Variants in TRAP1 observed in about 807,000 individuals in gnomAD.
TRAP1 encodes heat shock protein 75 kDa, mitochondrial.
In TRAP1, 102 loss-of-function variants were observed where a neutral mutation model predicts 89.1. The observed-to-expected ratio is 1.15, with a 90% CI of 0.98 to 1.35. The LOEUF is 1.35. Among genes scored for constraint, TRAP1 ranks in the 40% most tolerant of loss-of-function variants. TRAP1 has a pLI of 0.00. For missense variants in TRAP1, 1,256 were observed against 945.3 expected, an observed-to-expected ratio of 1.33 and a Z score of -4.31; for synonymous variants, 508 against 388.0, an observed-to-expected ratio of 1.31 and a Z score of -3.64.
In TRAP1 at chr16:3,661,986, C is replaced by G; in HGVS notation, c.1940+1G>C. ...TGGAAGAGCCAGGAGCGTGGCCTCA[C>G]CTGGGGTTGATCTCCAGCGTGGGCT... On this transcript the variant is annotated splice_donor_variant, in intron 16 of 17. Coordinates refer to ENST00000246957, the MANE Select transcript of TRAP1 (RefSeq NM_016292.3). LOFTEE classifies it high-confidence loss of function. 6.2e-7 allele frequency: 1 copy of G among 1,603,884 alleles called. No individual in the cohort carries two copies. Among genetic ancestry groups the G allele is most frequent in the Non-Finnish European group, 8.5e-7 (1 of 1,174,322 alleles).
chr16:3,658,263 G>C, intron 17 of TRAP1, 33 bp from the exon 18 acceptor site: 2 of 1,534,228 alleles, frequency 1.3e-6, no homozygotes, highest in Non-Finnish European at 1.8e-6. Flanking sequence ...CATTATGAGG[G>C]GCATGGGGCA....
At chr16:3,699,434 C>G (rs1189336439) in intron 1 of TRAP1, among the ~76,000 whole-genome samples, 1 of 151,998 alleles carries the variant, frequency 6.6e-6, no homozygotes, top group East Asian at 1.9e-4. Context: ...GTCAGGAGTT[C>G]AAGACCAGCG....
chr16:3,702,497 C>G (rs1342701625), intron 1 of TRAP1, among the ~76,000 whole-genome samples: 1 of 151,826 alleles, frequency 6.6e-6, no homozygotes, highest in Non-Finnish European at 1.5e-5. Context: ...AATCCCAGCA[C>G]TCTAGGAGGC....
At chr16:3,698,075 T>A (rs1480943832) in intron 1 of TRAP1, among the ~76,000 whole-genome samples, 1 of 152,048 alleles carries the variant, frequency 6.6e-6, no homozygotes, top group Non-Finnish European at 1.5e-5. Context: ...TCTCCCAAAG[T>A]GCTGGGATTA....
chr16:3,662,220 A>G, intron 15 of TRAP1, 88 bp from the exon 16 acceptor site: 1 of 1,492,846 alleles, frequency 6.7e-7, no homozygotes, highest in South Asian at 1.3e-5. Context: ...GGTCACCCAG[A>G]CCACGAGGTA....
chr16:3,666,146 T>C lies in TRAP1; in HGVS notation c.1236-28A>G, dbSNP rs755312389. The C allele has an allele frequency of 1.1e-5, 18 of 1,599,432 alleles. 1 individual carries two copies. In the Admixed American group the frequency reaches 3.0e-4, roughly 27 times the overall value. ...ACAGAAAAGAAATGCATTTAATACA[T>C]ACAAGCAGCCTCTATGAAATACAAA... On this transcript the variant is annotated intron_variant, in intron 11 of 17. Transcript: ENST00000246957.
chr16:3,698,336 G>A (rs377658465), intron 1 of TRAP1, among the ~76,000 whole-genome samples: 4 of 144,868 alleles, frequency 2.8e-5, no homozygotes, highest in Admixed American at 6.9e-5. Flanking sequence ...TTTTTTTTTA[G>A]AGTCTCACTC....
intron 14 of TRAP1, 43 bp downstream of exon 14, chr16:3,663,381 G>C (rs747427856): frequency 3.7e-6 from 6 of 1,611,652 alleles, no homozygotes; most frequent in Non-Finnish European, 5.1e-6. Context: ...GGCGTGCGGG[G>C]AGTGGAAACC....
chr16:3,687,712 C>T (rs140438097), intron 3 of TRAP1, among the ~76,000 whole-genome samples: 135 of 151,992 alleles, frequency 8.9e-4, no homozygotes, highest in South Asian at 7.7e-3. Context: ...GGCAAAACTC[C>T]GTCTCTACAA....
chr16:3,662,108 G>A lies in TRAP1; in HGVS notation c.1819C>T (p.Pro607Ser), dbSNP rs560228637. 25 of 1,613,064 alleles carry A rather than the reference G, an allele frequency of 1.5e-5. No homozygotes were observed. In the East Asian group the frequency reaches 4.7e-4, roughly 30 times the overall value. ...ATCTCCAGCACGGTGACCATGGCAG[G>A]GTGGGTGTCCAGTCGGAGGGTCACC... ...VKVTLRLDTH[P>S]AMVTVLEMGA... The change falls in exon 16 of 18, where the codon CCT (proline) becomes TCT (serine). Residue 607 changes from proline to serine, a missense_variant. Transcript: ENST00000246957.
Position 3,709,570 on chromosome 16 carries a change from C to G in TRAP1, c.88+7851G>C, listed in dbSNP as rs2051498755. On this transcript the variant is annotated intron_variant, in intron 1 of 17. Transcript: ENST00000246957. The stretch of plus-strand genomic sequence containing the variant: ...ACCAGAGCTCTGTGGCGACAGGAAA[C>G]AAACCCCAGAATATAAGTGGAAAAT... Among the ~76,000 whole-genome samples the G allele has an allele frequency of 1.3e-5, 2 of 152,174 alleles. 1 individual carries two copies. Among genetic ancestry groups the G allele is most frequent in the South Asian group, 4.1e-4 (2 of 4,830 alleles).
At chr16:3,671,983 G>C (rs1944057917) in intron 10 of TRAP1, among the ~76,000 whole-genome samples, 192 bp from the exon 11 acceptor site, 1 of 152,256 alleles carries the variant, frequency 6.6e-6, no homozygotes, top group Admixed American at 6.5e-5. Flanking sequence ...CCTGGGCTGT[G>C]GGTGGCCGGG....
chr16:3,663,056 C>A, intron 14 of TRAP1, 89 bp from the exon 15 acceptor site: 1 of 978,540 alleles, frequency 1.0e-6, no homozygotes, highest in Non-Finnish European at 1.5e-6. Flanking sequence ...CCAGCTCCCA[C>A]CTCCTCTCCC....
intron 1 of TRAP1, among the ~76,000 whole-genome samples, chr16:3,716,269 C>T (rs1367608576): frequency 6.6e-6 from 1 of 152,156 alleles, no homozygotes; most frequent in Admixed American, 6.5e-5. Flanking sequence ...ATTGATAAGG[C>T]CTTTTTGGAC....
chr16:3,703,930 G>A (rs1442628350), intron 1 of TRAP1, among the ~76,000 whole-genome samples: 2 of 149,698 alleles, frequency 1.3e-5, no homozygotes, highest in Non-Finnish European at 2.9e-5. Context: ...CAGGAGAATG[G>A]AGTGAACGCG....
Position 3,667,566 on chromosome 16 carries a change from G to T in TRAP1, c.1236-1448C>A, listed in dbSNP as rs890642351. Among the ~76,000 whole-genome samples the T allele has an allele frequency of 2.0e-5, 3 of 150,766 alleles. No individual in the cohort carries two copies. The Admixed American group carries it at 2.0e-4, about 10-fold the overall frequency. ...CTTGAATCCGGGAGGCAGAGGTTTC[G>T]GTGAGCCAATACCTCGCCACTGCAC... is the stretch of plus-strand genomic sequence containing the variant. On this transcript the variant is annotated intron_variant, in intron 11 of 17. Transcript: ENST00000246957.
In TRAP1 at chr16:3,658,882, A is replaced by G. The variant is rs1235807425; in HGVS notation, c.1941-17T>C. The G allele has an allele frequency of 6.2e-7, 1 of 1,613,702 alleles. No homozygotes were observed. Among genetic ancestry groups the G allele is most frequent in the Non-Finnish European group, 8.5e-7 (1 of 1,179,834 alleles). On this transcript the variant is annotated splice_polypyrimidine_tract_variant and intron_variant, in intron 16 of 17. Coordinates refer to ENST00000246957, the MANE Select transcript of TRAP1 (RefSeq NM_016292.3). Reference sequence around the variant, plus strand: ...AGCGCGTGCCTGCAACACAGAACCCACCAGAAAAAGCAGCTCAGTACCACG... The same window carrying G: ...AGCGCGTGCCTGCAACACAGAACCCGCCAGAAAAAGCAGCTCAGTACCACG...
Position 3,675,358 on chromosome 16 carries a change from A to T in TRAP1, c.854T>A (p.Leu285Ter), listed in dbSNP as rs752421766. The T allele has an allele frequency of 6.2e-7, 1 of 1,614,076 alleles. No individual in the cohort carries two copies. The highest frequency in any genetic ancestry group is 1.7e-5 in the Admixed American group (1 of 60,018). ...GTTCATCCGCCTTCCATTCAAGTAC[A>T]AGGGGAAGCTGACGAAGTTGCTGTA... ...TKYSNFVSFP[L>*]YLNGRRMNTL... Residue 285 changes from leucine (L) to a stop codon, truncating the protein, a stop_gained, in exon 8 of 18, where the codon TTG becomes TAG. Transcript: ENST00000246957. LOFTEE classifies it high-confidence loss of function.
At chr16:3,685,528 C>T (rs1032229906) in intron 4 of TRAP1, among the ~76,000 whole-genome samples, 1 of 152,044 alleles carries the variant, frequency 6.6e-6, no homozygotes, top group African/African-American at 2.4e-5. Flanking sequence ...CCTGAGGCAG[C>T]TGTCTTTGGA....
Sources: allele counts gnomAD v4.1 joint callset (sites outside exome capture counted in the v4.1 genomes callset), GRCh38; gene constraint gnomAD v4.1.1; transcripts MANE v1.5; gene names NCBI Gene and HGNC (gene_info 2026-07-23, HGNC 2026-07-21).